GPC5: variants seen among roughly 807,000 people sequenced by gnomAD.
GPC5 encodes the protein glypican 5.
A neutral mutation model predicts 53.9 loss-of-function variants in GPC5; 47 were observed. That is an observed-to-expected ratio of 0.87 (90% confidence interval 0.69 to 1.11). GPC5 has a LOEUF of 1.11. GPC5 is among the 50% of genes most tolerant of loss of function. The pLI, the probability that GPC5 is intolerant of heterozygous loss-of-function variation, is 0.00. For missense variants in GPC5, 748 were observed against 713.1 expected (o/e 1.05, Z -0.56); for synonymous variants, 286 against 263.3 (o/e 1.09, Z -0.84).
intron 7 of GPC5, among the ~76,000 whole-genome samples, chr13:92,595,825 G>T (rs1883861555): frequency 6.6e-6 from 1 of 150,762 alleles, no homozygotes; most frequent in Non-Finnish European, 1.5e-5. Context: ...AATCTTTTCG[G>T]TAATTTCGAG....
At chr13:92,675,580 CT>C (rs35344444) in intron 7 of GPC5, among the ~76,000 whole-genome samples, 33,485 of 148,812 alleles carry the variant, frequency 0.23, 4,351 homozygotes, top group South Asian at 0.36. Context: ...TGTCCCCCTC[CT>C]TTTTTTTTTA....
In GPC5 at chr13:92,308,089, G is replaced by A. The variant is rs560629172; in HGVS notation, c.1561+163100G>A. 2.6e-5 allele frequency among the ~76,000 whole-genome samples: 4 copies of A among 152,056 alleles called. No homozygotes were observed. In the South Asian group the frequency reaches 6.2e-4, roughly 24 times the overall value. ...GTGTTCCAAGAAGTGTAGTATGGTG[G>A]CTAAAAGTATGGTTTGTGGGATCAG... is the stretch of plus-strand genomic sequence containing the variant. On this transcript the variant is annotated intron_variant, in intron 7 of 7. Transcript: ENST00000377067.
At chr13:92,590,417 T>G (rs76833085) in intron 7 of GPC5, among the ~76,000 whole-genome samples, 1 of 152,160 alleles carries the variant, frequency 6.6e-6, no homozygotes, top group Non-Finnish European at 1.5e-5. Context: ...TAAGCTAGAA[T>G]TGACAGACTG....
intron 7 of GPC5, among the ~76,000 whole-genome samples, chr13:92,845,195 C>A (rs1208312971): frequency 6.6e-6 from 1 of 151,864 alleles, no homozygotes; most frequent in African/African-American, 2.4e-5. Flanking sequence ...AAATGCAAAA[C>A]TGAGGCACGA....
chr13:91,717,427 G>A (rs1302613880), intron 3 of GPC5, among the ~76,000 whole-genome samples: 1 of 152,178 alleles, frequency 6.6e-6, no homozygotes, highest in Admixed American at 6.5e-5. Context: ...TGGAGAGAAA[G>A]TCGGCAAGGT....
intron 2 of GPC5, among the ~76,000 whole-genome samples, chr13:91,476,064 G>A (rs1448702987): frequency 6.6e-6 from 1 of 152,182 alleles, no homozygotes; most frequent in Admixed American, 6.5e-5. Context: ...TACCTGCATT[G>A]TTTGATGGCT....
chr13:91,583,989 A>G (rs1351173762), intron 2 of GPC5, among the ~76,000 whole-genome samples: 2 of 152,294 alleles, frequency 1.3e-5, no homozygotes, highest in East Asian at 3.9e-4. Flanking sequence ...TAGGGCCTGT[A>G]AAGAGCTGGT....
chr13:92,796,189 A>G (rs1876671610), intron 7 of GPC5, among the ~76,000 whole-genome samples: 1 of 152,276 alleles, frequency 6.6e-6, no homozygotes, highest in South Asian at 2.1e-4. Context: ...ACCATAAAAA[A>G]GGATGAGTTC....
chr13:92,233,313 T>C (rs935900663), intron 7 of GPC5, among the ~76,000 whole-genome samples: 1 of 152,374 alleles, frequency 6.6e-6, no homozygotes, highest in East Asian at 1.9e-4. Context: ...GCCATTTTCC[T>C]GCAGTTTTCA....
intron 6 of GPC5, among the ~76,000 whole-genome samples, chr13:91,953,384 T>G (rs915702878): frequency 6.6e-6 from 1 of 152,170 alleles, no homozygotes; most frequent in African/African-American, 2.4e-5. Flanking sequence ...TGATTCTTGC[T>G]GTGGGTTGGA....
At chr13:92,382,151 G>A (rs1451294502) in intron 7 of GPC5, among the ~76,000 whole-genome samples, 1 of 151,722 alleles carries the variant, frequency 6.6e-6, no homozygotes, top group Non-Finnish European at 1.5e-5. Context: ...TCACTGATAC[G>A]TGGAAGCTAA....
At chr13:92,302,661 A>T (rs1370090578) in intron 7 of GPC5, among the ~76,000 whole-genome samples, 1 of 152,228 alleles carries the variant, frequency 6.6e-6, no homozygotes, top group Non-Finnish European at 1.5e-5. Context: ...TAGCAAGTAC[A>T]TTATCATTCT....
At chr13:92,207,120 A>G (rs1370179665) in intron 7 of GPC5, among the ~76,000 whole-genome samples, 2 of 152,214 alleles carry the variant, frequency 1.3e-5, no homozygotes, top group African/African-American at 2.4e-5. Flanking sequence ...TGGAAGGGAT[A>G]TTAGGTTCAG....
intron 7 of GPC5, among the ~76,000 whole-genome samples, chr13:92,353,236 T>C (rs1292054949): frequency 3.1e-5 from 4 of 128,726 alleles, no homozygotes; most frequent in South Asian, 2.7e-4. Flanking sequence ...GTCCGCAGTC[T>C]GGCCTGGGCG....
chr13:91,414,851 G>A (rs1242082092), intron 1 of GPC5, among the ~76,000 whole-genome samples: 3 of 152,160 alleles, frequency 2.0e-5, no homozygotes, highest in Non-Finnish European at 4.4e-5. Flanking sequence ...GGTGGGTTGG[G>A]GGGTGGAGGA....
intron 7 of GPC5, among the ~76,000 whole-genome samples, chr13:92,696,867 T>G (rs1395665101): frequency 2.6e-5 from 4 of 152,242 alleles, no homozygotes; most frequent in Non-Finnish European, 5.9e-5. Context: ...CTTGAGTCAA[T>G]TTCTGTATGA....
At chr13:91,903,952 T>A (rs1340246393) in intron 5 of GPC5, among the ~76,000 whole-genome samples, 2 of 151,366 alleles carry the variant, frequency 1.3e-5, no homozygotes, top group Non-Finnish European at 2.9e-5. Context: ...AAGAAAAGAG[T>A]CTCAGTTTTC....
At chr13:91,715,734 T>C (rs2036321835) in intron 3 of GPC5, among the ~76,000 whole-genome samples, 1 of 151,650 alleles carries the variant, frequency 6.6e-6, no homozygotes, top group African/African-American at 2.4e-5. Context: ...TGTTCATAAA[T>C]TATCTTGAAG....
intron 6 of GPC5, among the ~76,000 whole-genome samples, chr13:92,006,404 G>C (rs1023102732): frequency 6.6e-5 from 10 of 152,106 alleles, no homozygotes; most frequent in Non-Finnish European, 1.2e-4. Context: ...GTACTTCTGT[G>C]ACAAGCAATT....
Sources: gnomAD v4.1 joint callset for allele counts (sites outside exome capture counted in the v4.1 genomes callset) on GRCh38, gnomAD v4.1.1 for gene constraint, MANE v1.5 for transcripts, NCBI Gene and HGNC (gene_info 2026-07-23, HGNC 2026-07-21) for gene names.